PCLO: variants seen among roughly 807,000 people sequenced by gnomAD.
PCLO encodes protein piccolo.
In PCLO, 82 loss-of-function variants were observed where a neutral mutation model predicts 427.5. That is an observed-to-expected ratio of 0.19 (90% confidence interval 0.16 to 0.23). The LOEUF (loss-of-function observed/expected upper bound fraction) is 0.23. Among genes scored for constraint, PCLO ranks in the 10% least tolerant of loss-of-function variants. The pLI is 1.00. For missense variants in PCLO, 6,239 were observed against 6,115.9 expected, an observed-to-expected ratio of 1.02 and a Z score of -0.67; for synonymous variants, 2,357 against 2,155.4, an observed-to-expected ratio of 1.09 and a Z score of -2.59.
chr7:82,810,897 T>C (rs1168764057), intron 20 of PCLO, among the ~76,000 whole-genome samples: 3 of 151,740 alleles, frequency 2.0e-5, no homozygotes, highest in African/African-American at 2.4e-5. Flanking sequence ...ACTTCACTTT[T>C]ACTACTTTTA....
chr7:82,764,921 T>C (rs1234997121), intron 22 of PCLO, among the ~76,000 whole-genome samples: 1 of 151,914 alleles, frequency 6.6e-6, no homozygotes, highest in East Asian at 1.9e-4. Flanking sequence ...ATCAATAAAG[T>C]AGATCTCACG....
rs1205114629 is a variant in PCLO, at chr7:82,915,171, C to T, written c.12815G>A (p.Arg4272His). Residue 4272 changes from arginine to histidine, a missense_variant, in exon 7 of 25, where the codon CGC becomes CAC. This residue lies in a region of PCLO where 680 missense variants were observed against 677.3 expected (regional missense o/e 1.00). Transcript: ENST00000333891. ...TGLGTLGNTIRSALQDEADKP... is the reference protein window; with the variant it reads ...TGLGTLGNTIHSALQDEADKP... ...ATCCGCTTCATCCTGCAGAGCTGAG[C>T]GTATGGTATTTCCTAATGTGCCCAG... 2.3e-5 allele frequency: 37 copies of T among 1,601,442 alleles called. No individual in the cohort carries two copies. The highest frequency in any genetic ancestry group is 6.8e-5 in the East Asian group (3 of 44,238).
intron 20 of PCLO, among the ~76,000 whole-genome samples, chr7:82,815,139 A>C (rs1399836096): frequency 6.6e-6 from 1 of 152,086 alleles, no homozygotes; most frequent in Non-Finnish European, 1.5e-5. Context: ...CTAGAAATAT[A>C]TGGCATGAAT....
intron 22 of PCLO, among the ~76,000 whole-genome samples, chr7:82,783,888 C>A (rs1407011679): frequency 1.3e-5 from 2 of 150,726 alleles, no homozygotes; most frequent in Non-Finnish European, 2.9e-5. Flanking sequence ...ATTATAATTA[C>A]CTTGTTATTT....
chr7:83,132,206 G>C (rs564447198), intron 3 of PCLO, among the ~76,000 whole-genome samples: 12 of 152,224 alleles, frequency 7.9e-5, no homozygotes, highest in Admixed American at 5.2e-4. Context: ...CATAGTCAAG[G>C]TAAGCCAGGA....
At chr7:83,162,282 G>A (rs1792458977) in intron 1 of PCLO, 63 bp downstream of exon 1, 6 of 1,497,214 alleles carry the variant, frequency 4.0e-6, no homozygotes, top group Non-Finnish European at 5.4e-6. Flanking sequence ...CATACAGGCT[G>A]GCACATATGT....
chr7:83,098,340 T>A (rs964656958), intron 3 of PCLO, among the ~76,000 whole-genome samples: 3 of 152,160 alleles, frequency 2.0e-5, no homozygotes, highest in African/African-American at 7.2e-5. Context: ...CATACAATCA[T>A]ATTTATTAGT....
rs568674401 is a variant in PCLO at position 83,064,455 on chromosome 7, A to G, written c.3300+69795T>C. Among the ~76,000 whole-genome samples, 5 of 152,144 alleles carry G rather than the reference A, an allele frequency of 3.3e-5. No individual in the cohort carries two copies. In the South Asian group the frequency reaches 1.0e-3, roughly 32 times the overall value. ...GATTTCGGATTCTCTTTGAGGATGC[A>G]ACATGGTGTGAGTATCAGCTCATAA... is the stretch of plus-strand genomic sequence containing the variant. On this transcript the variant is annotated intron_variant, in intron 3 of 24. Coordinates refer to ENST00000333891, the MANE Select transcript of PCLO (RefSeq NM_033026.6).
chr7:82,886,500 G>A (rs1014376614), intron 9 of PCLO, among the ~76,000 whole-genome samples: 6 of 152,008 alleles, frequency 3.9e-5, no homozygotes, highest in Non-Finnish European at 7.4e-5. Flanking sequence ...GGAGGGAGTT[G>A]AAAATGGATT....
intron 3 of PCLO, among the ~76,000 whole-genome samples, chr7:82,980,595 C>A (rs1248655612): frequency 6.6e-6 from 1 of 152,084 alleles, no homozygotes; most frequent in Non-Finnish European, 1.5e-5. Flanking sequence ...AATAGAATTC[C>A]CATTTTTAAC....
Position 82,951,339 on chromosome 7 carries a change from C to T in PCLO, c.9249G>A (p.Arg3083=). 3 of 1,609,922 alleles carry T rather than the reference C, an allele frequency of 1.9e-6. No individual in the cohort carries two copies. Among genetic ancestry groups the T allele is most frequent in the Non-Finnish European group, 1.7e-6 (2 of 1,177,998 alleles). ...GPQYCVGSVL[R]SSNGVVYSSV... is the part of the protein sequence containing the mutation. Reference sequence around the variant, plus strand: ...AAGAATAGACAACACCATTAGATGACCTCAAAACACTCCCCACACAATACT... The same window carrying T: ...AAGAATAGACAACACCATTAGATGATCTCAAAACACTCCCCACACAATACT... The change falls in exon 6 of 25, where the codon AGG becomes AGA. Residue 3083 remains arginine (R), a synonymous_variant. Coordinates refer to ENST00000333891, the MANE Select transcript of PCLO (RefSeq NM_033026.6).
rs528458544 is a variant in PCLO at position 82,811,818 on chromosome 7, C to T, written c.14792-5989G>A. 1.1e-4 allele frequency among the ~76,000 whole-genome samples: 17 copies of T among 151,542 alleles called. No homozygotes were observed. In the South Asian group the frequency reaches 3.1e-3, roughly 28 times the overall value. On this transcript the variant is annotated intron_variant, in intron 20 of 24. Transcript: ENST00000333891. Reference sequence around the variant, plus strand: ...TACAGGTGTTGAAACTCTGATATCTCTATCAGTCATTTGTAAGTCGTTAGG... The same window carrying T: ...TACAGGTGTTGAAACTCTGATATCTTTATCAGTCATTTGTAAGTCGTTAGG...
Position 82,953,183 on chromosome 7 carries a change from C to A in PCLO, c.7770G>T (p.Gly2590=). The change falls in exon 5 of 25, where the codon GGG becomes GGT. Residue 2590 remains glycine, a synonymous_variant. Transcript: ENST00000333891. ...GACTAGCAGAAGAATCTGTTGGAGT[C>A]CCTGGTTCAGATGGCAATGTAATAA... ...YVVITLPSEP[G]TPTDSSASQA... is the part of the protein sequence containing the mutation. 6.2e-7 allele frequency: 1 copy of A among 1,613,852 alleles called. No individual in the cohort carries two copies. Among genetic ancestry groups the A allele is most frequent in the East Asian group, 2.2e-5 (1 of 44,862 alleles).
chr7:82,985,247 T>A (rs1464955665), intron 3 of PCLO, among the ~76,000 whole-genome samples: 2 of 152,012 alleles, frequency 1.3e-5, no homozygotes, highest in South Asian at 4.1e-4. Context: ...TAATAGTATA[T>A]AGGCTCTCTG....
intron 3 of PCLO, among the ~76,000 whole-genome samples, chr7:83,107,127 T>C (rs1453374442): frequency 4.6e-5 from 7 of 152,166 alleles, no homozygotes; most frequent in Admixed American, 4.6e-4. Context: ...AAATTGCATG[T>C]CACAGGGTGT....
intron 9 of PCLO, among the ~76,000 whole-genome samples, chr7:82,897,714 A>T (rs1195212200): frequency 6.6e-6 from 1 of 151,534 alleles, no homozygotes; most frequent in Admixed American, 6.6e-5. Context: ...ATCAATGAGT[A>T]AACATTTAAA....
chr7:82,788,255 A>T (rs979681609), intron 22 of PCLO, among the ~76,000 whole-genome samples: 14 of 147,686 alleles, frequency 9.5e-5, no homozygotes, highest in African/African-American at 3.2e-4. Flanking sequence ...ATAATTAATA[A>T]TTTATATTAG....
At chr7:82,879,806 G>C (rs1395320141) in intron 9 of PCLO, 2 of 449,628 alleles carry the variant, frequency 4.4e-6, no homozygotes, top group Non-Finnish European at 8.7e-6. Flanking sequence ...TCACTTATGA[G>C]ACTAAGGAAC....
chr7:83,075,187 G>T (rs1015194839), intron 3 of PCLO, among the ~76,000 whole-genome samples: 1 of 152,102 alleles, frequency 6.6e-6, no homozygotes, highest in African/African-American at 2.4e-5. Context: ...CGTAAAAATT[G>T]AGAGATATCA....
Sources: gnomAD v4.1 joint callset for allele counts (sites outside exome capture counted in the v4.1 genomes callset) on GRCh38, gnomAD v4.1.1 for gene constraint, gnomAD v4.1.1 regional missense constraint, MANE v1.5 for transcripts, NCBI Gene and HGNC (gene_info 2026-07-23, HGNC 2026-07-21) for gene names.